TMEM117: variants seen among roughly 807,000 people sequenced by gnomAD.
TMEM117 encodes the protein transmembrane protein 117.
In TMEM117, 27 loss-of-function variants were observed where a neutral mutation model predicts 52.4. The ratio of observed to expected loss-of-function variants is 0.51; its 90% CI spans 0.38 to 0.71. The LOEUF is 0.71. TMEM117 is among the 30% of genes least tolerant of loss of function. The pLI, the probability that TMEM117 is intolerant of heterozygous loss-of-function variation, is 0.00. For missense variants in TMEM117, 556 were observed against 630.5 expected, an observed-to-expected ratio of 0.88 and a Z score of 1.26; for synonymous variants, 215 against 206.3, an observed-to-expected ratio of 1.04 and a Z score of -0.36.
At chr12:44,143,441 TC>T in intron 3 of TMEM117, 83 bp from the exon 4 acceptor site, 1 of 940,614 alleles carries the variant, frequency 1.1e-6, no homozygotes, top group Non-Finnish European at 1.6e-6. Flanking sequence ...ATGGGAGAAG[TC>T]CCTTTGCCTG....
At position 44,086,485 on chromosome 12, in the gene TMEM117, G is replaced by T. The variant is rs574721990; in HGVS notation, c.411-57040G>T. Among the ~76,000 whole-genome samples, 27 of 152,222 alleles carry T rather than the reference G, an allele frequency of 1.8e-4. No homozygotes were observed. In the South Asian group the frequency reaches 5.6e-3, roughly 32 times the overall value. On this transcript the variant is annotated intron_variant, in intron 3 of 7. Coordinates refer to ENST00000266534, the MANE Select transcript of TMEM117 (RefSeq NM_032256.3). The stretch of plus-strand genomic sequence containing the variant: ...CCCTCTCAGCCGCCCAAAGTGCTGG[G>T]ATTACAGGCGTGAGCTACTGTGTGC...
chr12:44,236,215 G>GTGCC (rs1294361903), intron 5 of TMEM117, among the ~76,000 whole-genome samples: 1 of 151,632 alleles, frequency 6.6e-6, no homozygotes, highest in Non-Finnish European at 1.5e-5. Flanking sequence ...GAGCGCCATT[G>GTGCC]TGCCATTCTC....
rs570488307 is a variant in TMEM117, at chr12:43,882,968, G to T, written c.277+38040G>T. On this transcript the variant is annotated intron_variant, in intron 2 of 7. Transcript: ENST00000266534. Reference sequence around the variant, plus strand: ...TTTTTCTTAGTTACACAAGGCTAAGGTTGAGACAATATAATAAGAGCATTC... The same window carrying T: ...TTTTTCTTAGTTACACAAGGCTAAGTTTGAGACAATATAATAAGAGCATTC... Among the ~76,000 whole-genome samples, 8 of 152,266 alleles carry T rather than the reference G, an allele frequency of 5.3e-5. 1 individual carries two copies. Among genetic ancestry groups the T allele is most frequent in the African/African-American group, 1.9e-4 (8 of 41,564 alleles).
chr12:44,028,078 A>G (rs1946572657), intron 3 of TMEM117, among the ~76,000 whole-genome samples: 1 of 152,204 alleles, frequency 6.6e-6, no homozygotes, highest in Non-Finnish European at 1.5e-5. Context: ...CTGTAGTCCC[A>G]GCTACTCGGG....
chr12:43,868,589 C>A (rs1731444), intron 2 of TMEM117, among the ~76,000 whole-genome samples: 108,755 of 148,624 alleles, frequency 0.73, 42,544 homozygotes, highest in East Asian at 0.93. Context: ...AAAAAAAAAA[C>A]ACACACACTT....
intron 3 of TMEM117, among the ~76,000 whole-genome samples, chr12:44,090,638 T>C (rs924587240): frequency 6.6e-5 from 10 of 151,620 alleles, no homozygotes; most frequent in Non-Finnish European, 1.5e-5. Context: ...AGTTTCACCA[T>C]GTTGCTCAGG....
chr12:43,962,086 G>T (rs1945412866), intron 3 of TMEM117, among the ~76,000 whole-genome samples: 1 of 152,188 alleles, frequency 6.6e-6, no homozygotes, highest in Admixed American at 6.5e-5. Context: ...GGTAGCATCA[G>T]TGACAGTACA....
intron 7 of TMEM117, among the ~76,000 whole-genome samples, chr12:44,386,450 A>C (rs1952089348): frequency 6.6e-6 from 1 of 152,134 alleles, no homozygotes; most frequent in Non-Finnish European, 1.5e-5. Flanking sequence ...TTTCATTTCA[A>C]ATATTATAAA....
At chr12:44,260,701 T>A (rs1036218592) in intron 5 of TMEM117, among the ~76,000 whole-genome samples, 1 of 152,172 alleles carries the variant, frequency 6.6e-6, no homozygotes, top group Non-Finnish European at 1.5e-5. Context: ...AAAACAAATA[T>A]CTGTTTACGG....
At chr12:43,997,090 ATACATTTGCTTTAG>A (rs1946044244) in intron 3 of TMEM117, among the ~76,000 whole-genome samples, 1 of 152,170 alleles carries the variant, frequency 6.6e-6, no homozygotes, top group African/African-American at 2.4e-5. Flanking sequence ...AAATGTTCTA[ATACATTTGCTTTAG>A]AAGGGTAAAG....
At chr12:44,061,072 A>T (rs1182339508) in intron 3 of TMEM117, among the ~76,000 whole-genome samples, 2 of 152,174 alleles carry the variant, frequency 1.3e-5, no homozygotes, top group Non-Finnish European at 2.9e-5. Flanking sequence ...GGAACAGAAA[A>T]GTGGGCTTTT....
intron 4 of TMEM117, among the ~76,000 whole-genome samples, chr12:44,162,414 A>C (rs1418514492): frequency 6.6e-6 from 1 of 152,138 alleles, no homozygotes; most frequent in East Asian, 1.9e-4. Context: ...TGTTGGACAA[A>C]GTAACTCATC....
intron 6 of TMEM117, among the ~76,000 whole-genome samples, chr12:44,352,884 A>G (rs1279696403): frequency 2.0e-5 from 3 of 152,118 alleles, no homozygotes; most frequent in Admixed American, 6.6e-5. Flanking sequence ...GTCTTCCACA[A>G]TGGTTGAACT....
At chr12:44,210,572 C>G (rs1251897376) in intron 4 of TMEM117, among the ~76,000 whole-genome samples, 1 of 151,908 alleles carries the variant, frequency 6.6e-6, no homozygotes, top group East Asian at 1.9e-4. Context: ...ATTTCAAAGC[C>G]TAGTGAAGAG....
At chr12:44,085,004 A>G (rs944485900) in intron 3 of TMEM117, among the ~76,000 whole-genome samples, 5 of 152,220 alleles carry the variant, frequency 3.3e-5, no homozygotes, top group African/African-American at 1.2e-4. Flanking sequence ...TGAAGATTCA[A>G]TAACAGCACC....
intron 3 of TMEM117, among the ~76,000 whole-genome samples, chr12:44,086,865 C>T (rs1947576865): frequency 6.6e-6 from 1 of 151,340 alleles, no homozygotes. Flanking sequence ...GGTCTTGTTT[C>T]CATCGGACAG....
chr12:43,917,856 C>T (rs1944631140), intron 2 of TMEM117, among the ~76,000 whole-genome samples: 1 of 152,106 alleles, frequency 6.6e-6, no homozygotes, highest in Non-Finnish European at 1.5e-5. Context: ...CACCCTCTTG[C>T]ACAGACTTGG....
At chr12:44,178,823 T>TA (rs2138305341) in intron 4 of TMEM117, among the ~76,000 whole-genome samples, 1 of 152,314 alleles carries the variant, frequency 6.6e-6, no homozygotes, top group South Asian at 2.1e-4. Flanking sequence ...TTGCTTAGCA[T>TA]AATACCTGAC....
At chr12:44,262,077 C>A (rs933569779) in intron 5 of TMEM117, among the ~76,000 whole-genome samples, 3 of 152,106 alleles carry the variant, frequency 2.0e-5, no homozygotes, top group African/African-American at 7.2e-5. Context: ...TAGGTGTGAA[C>A]CAGCTTCTCC....
Sources: allele counts gnomAD v4.1 joint callset (sites outside exome capture counted in the v4.1 genomes callset), GRCh38; gene constraint gnomAD v4.1.1; transcripts MANE v1.5; gene names NCBI Gene and HGNC (gene_info 2026-07-23, HGNC 2026-07-21).